PIK3C3: variants seen among roughly 807,000 people sequenced by gnomAD.
The protein encoded by PIK3C3 is phosphatidylinositol 3-kinase catalytic subunit type 3.
A neutral mutation model predicts 126.1 loss-of-function variants in PIK3C3; 95 were observed. That is an observed-to-expected ratio of 0.75 (90% CI 0.64 to 0.89). The LOEUF is 0.89. Among genes scored for constraint, PIK3C3 ranks in the 40% least tolerant of loss-of-function variants. The pLI is 0.00. For synonymous variants in PIK3C3, 374 were observed against 360.0 expected, an observed-to-expected ratio of 1.04 and a Z score of -0.44; for missense variants, 829 against 1,063.2, an observed-to-expected ratio of 0.78 and a Z score of 3.06.
chr18:41,994,133 T>C (rs908167958), intron 7 of PIK3C3, among the ~76,000 whole-genome samples: 9 of 151,980 alleles, frequency 5.9e-5, no homozygotes, highest in African/African-American at 1.9e-4. Flanking sequence ...TTGAGATAAG[T>C]ACAGGTCATG....
At chr18:42,076,183 T>TATATATATATGCAC (rs1568013917) in intron 24 of PIK3C3, among the ~76,000 whole-genome samples, 32 of 120,492 alleles carry the variant, frequency 2.7e-4, no homozygotes, top group African/African-American at 1.0e-3. Context: ...TATATGCACA[T>TATATATATATGCAC]ATATATATGC....
intron 9 of PIK3C3, among the ~76,000 whole-genome samples, chr18:42,001,157 CAT>C (rs1982267889): frequency 1.3e-5 from 2 of 152,134 alleles, no homozygotes; most frequent in African/African-American, 2.4e-5. Flanking sequence ...ATGAATAAAA[CAT>C]AGTAACACAT....
chr18:42,084,174 CA>C lies in PIK3C3; in HGVS notation c.*3039del, dbSNP rs1385198304. ...TCTTGCCAATGCAATTGTTAACCTACAACCATAATATACCTTAAGTATATTT... is the reference window on the plus strand; with the variant it reads ...TCTTGCCAATGCAATTGTTAACCTACACCATAATATACCTTAAGTATATTT... On this transcript the variant is annotated 3_prime_UTR_variant, in exon 25 of 25. Coordinates refer to ENST00000262039, the MANE Select transcript of PIK3C3 (RefSeq NM_002647.4). The C allele has an allele frequency of 6.6e-6, 1 of 152,164 alleles. No individual in the cohort carries two copies. The highest frequency in any genetic ancestry group is 1.5e-5 in the Non-Finnish European group (1 of 68,024). The allele number at this position is 152,164 out of a possible 1,614,324, so 9.4% of individuals were successfully genotyped here.
chr18:42,076,089 C>CAT (rs71174077), intron 24 of PIK3C3, among the ~76,000 whole-genome samples: 6,376 of 53,892 alleles, frequency 0.12, 465 homozygotes, highest in South Asian at 0.17. Context: ...CTTTACCTTG[C>CAT]ATATATATAT....
At position 41,993,227 on chromosome 18, in the gene PIK3C3, TATTAA is replaced by T. The variant is rs779001454; in HGVS notation, c.715-39_715-35del. On this transcript the variant is annotated intron_variant, in intron 6 of 24. Coordinates refer to ENST00000262039, the MANE Select transcript of PIK3C3 (RefSeq NM_002647.4). ...GTACATCATATACTGCTTCCTATTG[TATTAA>T]ATTTCTTTTTTTAAAAAATTATTGC... 2.6e-6 allele frequency: 3 copies of T among 1,159,332 alleles called. No individual in the cohort carries two copies. The Admixed American group carries it at 5.4e-5, about 21-fold the overall frequency. The allele number at this position is 1,159,332 out of a possible 1,614,324, so 71.8% of individuals were successfully genotyped here. A position where few individuals can be genotyped will look rare whatever the true frequency, so the allele number is the denominator to read the frequency against.
intron 6 of PIK3C3, among the ~76,000 whole-genome samples, chr18:41,991,217 G>T (rs1362959687): frequency 6.6e-6 from 1 of 152,084 alleles, no homozygotes; most frequent in African/African-American, 2.4e-5. Flanking sequence ...ATATATTTAA[G>T]TACTACAGAA....
intron 3 of PIK3C3, among the ~76,000 whole-genome samples, chr18:41,965,021 A>G (rs748580570): frequency 2.6e-5 from 4 of 152,244 alleles, no homozygotes; most frequent in African/African-American, 4.8e-5. Flanking sequence ...ACTTTTTGAT[A>G]AAATAGCATG....
chr18:41,955,493 T>C, intron 1 of PIK3C3, 134 bp downstream of exon 1: 2 of 708,910 alleles, frequency 2.8e-6, no homozygotes, highest in Non-Finnish European at 4.8e-6. Flanking sequence ...GTGAGGGCTG[T>C]AGCCAGGGAG....
At chr18:42,059,291 C>T (rs964376696) in intron 22 of PIK3C3, among the ~76,000 whole-genome samples, 16 of 152,166 alleles carry the variant, frequency 1.1e-4, no homozygotes, top group Non-Finnish European at 2.1e-4. Context: ...CAGAATGGCT[C>T]AGTTTTACCT....
chr18:42,055,448 T>C (rs1164696291), intron 21 of PIK3C3, among the ~76,000 whole-genome samples: 8 of 152,110 alleles, frequency 5.3e-5, no homozygotes, highest in South Asian at 2.1e-4. Context: ...TCTGAAAATA[T>C]AGGTTTTGCT....
chr18:42,063,333 A>G (rs1251961229), intron 22 of PIK3C3, among the ~76,000 whole-genome samples: 1 of 152,194 alleles, frequency 6.6e-6, no homozygotes, highest in African/African-American at 2.4e-5. Flanking sequence ...CTGTATCCCT[A>G]GTGCCTACAA....
intron 13 of PIK3C3, among the ~76,000 whole-genome samples, chr18:42,021,871 A>T (rs950227750): frequency 6.6e-6 from 1 of 151,986 alleles, no homozygotes; most frequent in African/African-American, 2.4e-5. Context: ...TTCAAAAATC[A>T]AAAAAAACTA....
intron 1 of PIK3C3, 53 bp downstream of exon 1, chr18:41,955,412 G>T (rs1180086765): frequency 1.4e-6 from 2 of 1,478,138 alleles, no homozygotes; most frequent in South Asian, 2.3e-5. Flanking sequence ...AGGGACGTGG[G>T]GGCAGGGGCC....
chr18:42,009,469 A>T (rs1402912711), intron 10 of PIK3C3, among the ~76,000 whole-genome samples: 2 of 152,204 alleles, frequency 1.3e-5, no homozygotes, highest in Non-Finnish European at 2.9e-5. Context: ...TCTGCAATAA[A>T]GCAAATGTCA....
chr18:42,075,971 G>T (rs1367650533), intron 24 of PIK3C3, among the ~76,000 whole-genome samples: 1 of 149,208 alleles, frequency 6.7e-6, no homozygotes, highest in African/African-American at 2.5e-5. Context: ...CCCGTGTGCA[G>T]TTCTTCCATC....
intron 4 of PIK3C3, among the ~76,000 whole-genome samples, chr18:41,976,037 T>G (rs1257362494): frequency 6.6e-6 from 1 of 152,132 alleles, no homozygotes; most frequent in Non-Finnish European, 1.5e-5. Context: ...TAATTTAAAT[T>G]TACTTGAATA....
rs1206160422 is a variant in PIK3C3 at position 42,057,877 on chromosome 18, A to C, written c.2264-6A>C. The C allele has an allele frequency of 6.2e-7, 1 of 1,612,978 alleles. No homozygotes were observed. The highest frequency in any genetic ancestry group is 1.3e-5 in the African/African-American group (1 of 74,882). On this transcript the variant is annotated splice_region_variant and splice_polypyrimidine_tract_variant and intron_variant, in intron 21 of 24. Transcript: ENST00000262039. ...GGAAACAAATGAGTTTCTTGTCAAC[A>C]TCCAGGCAAACTCTTCCACATAGAC... is the stretch of plus-strand genomic sequence containing the variant.
Position 41,990,505 on chromosome 18 carries a change from G to A in PIK3C3, c.665G>A (p.Arg222Gln), listed in dbSNP as rs1380208670. The A allele has an allele frequency of 3.7e-6, 6 of 1,603,640 alleles. No individual in the cohort carries two copies. Among genetic ancestry groups the A allele is most frequent in the East Asian group, 2.2e-5 (1 of 44,750 alleles). The change falls in exon 6 of 25, where the codon CGA (arginine) becomes CAA (glutamine). Residue 222 changes from arginine (R) to glutamine (Q), a missense_variant. Arg to Gln is a conservative substitution (Grantham distance 43). Coordinates refer to ENST00000262039, the MANE Select transcript of PIK3C3 (RefSeq NM_002647.4). ...SNFMYLMVEF[R>Q]CVKCDDKEYG... ...TTCATGTACCTGATGGTTGAATTTC[G>A]ATGTGTCAAGTGTGATGATAAGGAA...
In PIK3C3 at chr18:42,085,600, A is replaced by G. The variant is rs1986382411; in HGVS notation, c.*4463A>G. On this transcript the variant is annotated 3_prime_UTR_variant, in exon 25 of 25. Coordinates refer to ENST00000262039, the MANE Select transcript of PIK3C3 (RefSeq NM_002647.4). The stretch of plus-strand genomic sequence containing the variant: ...TAGTGTAACTTTGGGATGAATTTAA[A>G]AGAATATTTAAGTCACAGTCAATTT... 6.6e-6 allele frequency: 1 copy of G among 152,226 alleles called. No homozygotes were observed. Among genetic ancestry groups the G allele is most frequent in the East Asian group, 1.9e-4 (1 of 5,204 alleles). 9.4% of individuals were successfully genotyped at this position (152,226 alleles called of 1,614,324 possible).
Sources: allele counts gnomAD v4.1 joint callset (sites outside exome capture counted in the v4.1 genomes callset), GRCh38; gene constraint gnomAD v4.1.1; transcripts MANE v1.5; gene names NCBI Gene and HGNC (gene_info 2026-07-23, HGNC 2026-07-21).